RANBP17: variants seen among roughly 807,000 people sequenced by gnomAD.
RANBP17 encodes the protein RAN binding protein 17, also known as ran-binding protein 17.
RANBP17 carries 158 observed loss-of-function variants against 141.2 expected under a neutral mutation model. The ratio of observed to expected loss-of-function variants is 1.12; its 90% CI spans 0.98 to 1.28. RANBP17 has a LOEUF of 1.28. Ranked by LOEUF, RANBP17 falls within the 50% of genes most tolerant of loss-of-function variation. The pLI is 0.00. For missense variants in RANBP17, 1,438 were observed against 1,290.7 expected, an observed-to-expected ratio of 1.11 and a Z score of -1.75; for synonymous variants, 430 against 450.0, an observed-to-expected ratio of 0.96 and a Z score of 0.56.
rs555465524 is a variant in RANBP17 at position 171,257,092 on chromosome 5, G to A, written c.2777-8589G>A. Among the ~76,000 whole-genome samples the A allele has an allele frequency of 7.2e-5, 11 of 152,150 alleles. No individual in the cohort carries two copies. In the South Asian group the frequency reaches 2.1e-3, roughly 29 times the overall value. On this transcript the variant is annotated intron_variant, in intron 24 of 27. Coordinates refer to ENST00000523189, the MANE Select transcript of RANBP17 (RefSeq NM_022897.5). ...ATTCTATGAGGTCACTATCACCCTG[G>A]TACCAATATCAGACAAGGACACAAC... is the stretch of plus-strand genomic sequence containing the variant.
chr5:171,009,512 C>T (rs1779881729), intron 14 of RANBP17, among the ~76,000 whole-genome samples: 2 of 152,020 alleles, frequency 1.3e-5, no homozygotes, highest in African/African-American at 2.4e-5. Context: ...TTGTAGTGTT[C>T]ATCAGATTCA....
Position 170,938,505 on chromosome 5 carries a change from G to T in RANBP17, c.1468+13955G>T, listed in dbSNP as rs551082280. Among the ~76,000 whole-genome samples, 15 of 152,262 alleles carry T rather than the reference G, an allele frequency of 9.9e-5. No individual in the cohort carries two copies. In the South Asian group the frequency reaches 2.9e-3, roughly 29 times the overall value. ...TGATTTAGAACCCCTATCTCCTAAA[G>T]ACTCTTAAGATGTTGGAATTGGATA... On this transcript the variant is annotated intron_variant, in intron 12 of 27. Coordinates refer to ENST00000523189, the MANE Select transcript of RANBP17 (RefSeq NM_022897.5).
intron 19 of RANBP17, among the ~76,000 whole-genome samples, chr5:171,201,504 A>G (rs1762293811): frequency 6.6e-6 from 1 of 152,258 alleles, no homozygotes; most frequent in Non-Finnish European, 1.5e-5. Context: ...CTAAATGTTC[A>G]TCAAAAGACG....
At chr5:170,913,579 T>G (rs1052655748) in intron 7 of RANBP17, among the ~76,000 whole-genome samples, 1 of 152,126 alleles carries the variant, frequency 6.6e-6, no homozygotes, top group Non-Finnish European at 1.5e-5. Context: ...AGAATTGATT[T>G]AATCACAAAT....
At chr5:171,032,915 A>G (rs1455227725) in intron 14 of RANBP17, among the ~76,000 whole-genome samples, 2 of 152,210 alleles carry the variant, frequency 1.3e-5, no homozygotes, top group Middle Eastern at 3.2e-3. Flanking sequence ...TAAACTTGGC[A>G]GTAATAGAAA....
intron 19 of RANBP17, among the ~76,000 whole-genome samples, chr5:171,204,105 T>C (rs1429075312): frequency 2.6e-5 from 4 of 152,094 alleles, no homozygotes; most frequent in Non-Finnish European, 5.9e-5. Flanking sequence ...GGAGGCCAGC[T>C]GGTTATAGAA....
chr5:171,018,562 A>C (rs151197798), intron 14 of RANBP17, among the ~76,000 whole-genome samples: 1 of 151,868 alleles, frequency 6.6e-6, no homozygotes, highest in Non-Finnish European at 1.5e-5. Flanking sequence ...CTGCTAGTCT[A>C]TTGTAGGTGT....
chr5:171,047,424 C>A (rs374040185), intron 14 of RANBP17, among the ~76,000 whole-genome samples: 1 of 143,424 alleles, frequency 7.0e-6, no homozygotes, highest in Non-Finnish European at 1.5e-5. Flanking sequence ...CAAGTCTTAA[C>A]CCTTTTTTTT....
intron 1 of RANBP17, among the ~76,000 whole-genome samples, chr5:170,872,148 T>A (rs1767791230): frequency 6.6e-6 from 1 of 152,230 alleles, no homozygotes; most frequent in Non-Finnish European, 1.5e-5. Flanking sequence ...TCCTTATCCA[T>A]GAGGATGGAA....
intron 14 of RANBP17, among the ~76,000 whole-genome samples, chr5:171,047,961 C>A (rs897931928): frequency 6.6e-6 from 1 of 152,138 alleles, no homozygotes; most frequent in African/African-American, 2.4e-5. Context: ...AATTCTGGTT[C>A]ACAAATATTT....
At chr5:171,144,674 A>T (rs1757922783) in intron 14 of RANBP17, among the ~76,000 whole-genome samples, 1 of 152,218 alleles carries the variant, frequency 6.6e-6, no homozygotes, top group Non-Finnish European at 1.5e-5. Context: ...CCACAACAGC[A>T]TAGATCAGAT....
rs563254487 is a variant in RANBP17 at position 170,923,133 on chromosome 5, C to T, written c.1275-1224C>T. On this transcript the variant is annotated intron_variant, in intron 11 of 27. Transcript: ENST00000523189. ...TTTTCCCTTCTAGGAGTTTTATTGT[C>T]TTAGAATTTACATTTTAGTCTGTGA... Among the ~76,000 whole-genome samples, 206 of 152,188 alleles carry T rather than the reference C, an allele frequency of 1.4e-3. 3 individuals carry two copies. The highest frequency in any genetic ancestry group is 4.0e-4 in the Non-Finnish European group (27 of 67,994).
chr5:171,144,190 C>G (rs1458653118), intron 14 of RANBP17, among the ~76,000 whole-genome samples: 1 of 151,982 alleles, frequency 6.6e-6, no homozygotes, highest in Non-Finnish European at 1.5e-5. Flanking sequence ...TGATGAAACC[C>G]TGTCTCTACC....
At chr5:171,104,886 T>C (rs1038969948) in intron 14 of RANBP17, among the ~76,000 whole-genome samples, 6 of 152,178 alleles carry the variant, frequency 3.9e-5, no homozygotes, top group Non-Finnish European at 7.3e-5. Context: ...CAAATATTAT[T>C]ATCAACTTTG....
intron 14 of RANBP17, among the ~76,000 whole-genome samples, chr5:171,061,982 C>G (rs928552171): frequency 6.6e-6 from 1 of 151,528 alleles, no homozygotes. Context: ...GGATTGCAAC[C>G]CCTGCCTTTT....
At chr5:171,268,093 TCTCA>T (rs1316731569) in intron 25 of RANBP17, among the ~76,000 whole-genome samples, 1 of 152,162 alleles carries the variant, frequency 6.6e-6, no homozygotes, top group African/African-American at 2.4e-5. Context: ...AAGGAAGGTA[TCTCA>T]CATTTAGTGA....
chr5:171,061,012 CT>C, intron 14 of RANBP17, among the ~76,000 whole-genome samples: 1 of 151,150 alleles, frequency 6.6e-6, no homozygotes, highest in African/African-American at 2.4e-5. Context: ...GTGATATCCC[CT>C]TTATCATTTT....
intron 14 of RANBP17, among the ~76,000 whole-genome samples, chr5:171,062,257 A>G (rs1224032887): frequency 1.3e-5 from 2 of 152,122 alleles, no homozygotes; most frequent in Non-Finnish European, 2.9e-5. Context: ...CCTAGCCTTG[A>G]TGGTCTTTAC....
At chr5:171,025,403 A>G (rs1392947460) in intron 14 of RANBP17, among the ~76,000 whole-genome samples, 2 of 151,870 alleles carry the variant, frequency 1.3e-5, no homozygotes, top group African/African-American at 2.4e-5. Context: ...TACTTCCTCA[A>G]TTCTCCAAAT....
Sources: allele counts gnomAD v4.1 joint callset (sites outside exome capture counted in the v4.1 genomes callset), GRCh38; gene constraint gnomAD v4.1.1; transcripts MANE v1.5; gene names NCBI Gene and HGNC (gene_info 2026-07-23, HGNC 2026-07-21).